MCMBP: variants seen among roughly 807,000 people sequenced by gnomAD.
The protein encoded by MCMBP is minichromosome maintenance complex binding protein.
MCMBP carries 31 observed loss-of-function variants against 81.3 expected under a neutral mutation model. The ratio of observed to expected loss-of-function variants is 0.38; its 90% CI spans 0.29 to 0.51. The LOEUF is 0.51. Ranked by LOEUF, MCMBP falls within the 20% of genes least tolerant of loss-of-function variation. MCMBP has a pLI of 0.87. For missense variants in MCMBP, 645 were observed against 772.1 expected, an observed-to-expected ratio of 0.84 and a Z score of 1.95; for synonymous variants, 267 against 275.9, an observed-to-expected ratio of 0.97 and a Z score of 0.32.
At chr10:119,862,680 C>A (rs1853303564) in intron 1 of MCMBP, among the ~76,000 whole-genome samples, 2 of 152,214 alleles carry the variant, frequency 1.3e-5, no homozygotes, top group South Asian at 4.1e-4. Context: ...TGAACATGAG[C>A]TTTCATTTCT....
At chr10:119,855,865 A>G (rs888683840) in intron 5 of MCMBP, among the ~76,000 whole-genome samples, 1 of 152,224 alleles carries the variant, frequency 6.6e-6, no homozygotes, top group Non-Finnish European at 1.5e-5. Flanking sequence ...ATGTCAATAA[A>G]TTCAACAACT....
intron 1 of MCMBP, among the ~76,000 whole-genome samples, chr10:119,864,044 C>T (rs774229846): frequency 2.0e-5 from 3 of 151,440 alleles, no homozygotes; most frequent in Non-Finnish European, 1.5e-5. Flanking sequence ...AATGTAATCA[C>T]AACGGTCCTT....
At chr10:119,871,042 A>G (rs1000898343) in intron 1 of MCMBP, among the ~76,000 whole-genome samples, 2 of 152,246 alleles carry the variant, frequency 1.3e-5, no homozygotes, top group African/African-American at 4.8e-5. Context: ...AAATCATCTC[A>G]TTTATCCAGC....
Position 119,835,536 on chromosome 10 carries a change from A to G in MCMBP, c.1707+4T>C, listed in dbSNP as rs1469664798. On this transcript the variant is annotated splice_donor_region_variant and intron_variant, in intron 14 of 15. Transcript: ENST00000369077. The stretch of plus-strand genomic sequence containing the variant: ...GGAAATCCTTTATTTTAACCTAGAC[A>G]TACCTTGGTTATTTCATCAGATATG... The G allele has an allele frequency of 6.2e-7, 1 of 1,612,120 alleles. No individual in the cohort carries two copies. Among genetic ancestry groups the G allele is most frequent in the Non-Finnish European group, 8.5e-7 (1 of 1,178,484 alleles).
chr10:119,834,052 AAAG>A (rs921317185), intron 14 of MCMBP, among the ~76,000 whole-genome samples: 6 of 152,222 alleles, frequency 3.9e-5, no homozygotes, highest in Non-Finnish European at 8.8e-5. Flanking sequence ...CAGAACAAAA[AAAG>A]AAGAATGAGG....
Position 119,849,430 on chromosome 10 carries a change from C to G in MCMBP, c.721G>C (p.Val241Leu). The change falls in exon 7 of 16, where the codon GTG (valine) becomes CTG (leucine). Residue 241 changes from valine (V) to leucine (L), a missense_variant. Coordinates refer to ENST00000369077, the MANE Select transcript of MCMBP (RefSeq NM_001256378.2). ...LPGEKGPACL[V>L]KVYEDWDCFK... is the part of the protein sequence containing the mutation. ...TCTACGAAAGGTTTTATTACCTTCACAAGGCATGCAGGGCCCTTCTCTCCT... is the reference window on the plus strand; with the variant it reads ...TCTACGAAAGGTTTTATTACCTTCAGAAGGCATGCAGGGCCCTTCTCTCCT... The G allele has an allele frequency of 2.5e-6, 4 of 1,607,622 alleles. No homozygotes were observed. The highest frequency in any genetic ancestry group is 3.4e-6 in the Non-Finnish European group (4 of 1,178,188).
intron 1 of MCMBP, 61 bp downstream of exon 1, chr10:119,872,466 T>A: frequency 9.6e-7 from 1 of 1,045,378 alleles, no homozygotes; most frequent in Non-Finnish European, 1.2e-6. Flanking sequence ...GGCGGGGCCC[T>A]GCCCCGGGGC....
chr10:119,831,479 G>A lies in MCMBP; in HGVS notation c.1918C>T (p.Leu640Phe), dbSNP rs771643333. Residue 640 changes from leucine to phenylalanine, a missense_variant, in exon 16 of 16, where the codon CTT becomes TTT. By Grantham distance (22) the Leu-to-Phe change is conservative. Coordinates refer to ENST00000369077, the MANE Select transcript of MCMBP (RefSeq NM_001256378.2). ...TCTTCATAGGTATTACATCTTTAAA[G>A]TTCATTTCCATTCACACATTTTTGC... is the stretch of plus-strand genomic sequence containing the variant. ...QQQKCVNGNE[L>F] The A allele has an allele frequency of 1.5e-5, 24 of 1,613,714 alleles. No individual in the cohort carries two copies. The highest frequency in any genetic ancestry group is 1.9e-5 in the Non-Finnish European group (23 of 1,179,852).
At position 119,859,809 on chromosome 10, in the gene MCMBP, G is replaced by T; in HGVS notation, c.134C>A (p.Ala45Asp). ...TAGCAATAAGCTTACCCACTTAGGA[G>T]CATTATTTTCCTTCAGCTTTTCCTT... ...YFKEKLKENN[A>D]PKWVPSLNEV... Residue 45 changes from alanine to aspartate, a missense_variant, in exon 2 of 16, where the codon GCT (alanine) becomes GAT (aspartate). Ala to Asp is a moderately radical substitution (Grantham distance 126). Coordinates refer to ENST00000369077, the MANE Select transcript of MCMBP (RefSeq NM_001256378.2). 6.2e-7 allele frequency: 1 copy of T among 1,611,554 alleles called. No homozygotes were observed. The highest frequency in any genetic ancestry group is 8.5e-7 in the Non-Finnish European group (1 of 1,178,076).
chr10:119,831,958 G>A (rs1852059901), intron 15 of MCMBP, 54 bp downstream of exon 15: 2 of 1,491,494 alleles, frequency 1.3e-6, no homozygotes. Flanking sequence ...GAATAACTCA[G>A]AAGACATATA....
intron 7 of MCMBP, among the ~76,000 whole-genome samples, chr10:119,849,078 G>T (rs755652205): frequency 1.2e-4 from 19 of 152,102 alleles, no homozygotes; most frequent in Admixed American, 1.2e-3. Context: ...AACTTTCTTG[G>T]TTGTGGTCAG....
chr10:119,849,082 T>C (rs1260587023), intron 7 of MCMBP, among the ~76,000 whole-genome samples: 1 of 152,168 alleles, frequency 6.6e-6, no homozygotes, highest in African/African-American at 2.4e-5. Flanking sequence ...TTCTTGGTTG[T>C]GGTCAGATGA....
At position 119,859,613 on chromosome 10, in the gene MCMBP, T is replaced by C. The variant is rs967196366; in HGVS notation, c.144+186A>G. 3.3e-5 allele frequency among the ~76,000 whole-genome samples: 5 copies of C among 152,370 alleles called. 1 individual carries two copies. The highest frequency in any genetic ancestry group is 6.8e-3 in the Middle Eastern group (2 of 294). On this transcript the variant is annotated intron_variant, in intron 2 of 15. Coordinates refer to ENST00000369077, the MANE Select transcript of MCMBP (RefSeq NM_001256378.2). ...CAGTTACTGCCACCTAGAGGCATAA[T>C]GTATAAGTATTTACATGCTTAAACT... is the stretch of plus-strand genomic sequence containing the variant.
At chr10:119,857,685 C>G (rs985987927) in intron 4 of MCMBP, 37 of 314,320 alleles carry the variant, frequency 1.2e-4, no homozygotes, top group Non-Finnish European at 2.1e-4. Context: ...GACTTATAAT[C>G]TGGGTCTAGT....
Position 119,835,813 on chromosome 10 carries a change from CTTA to C in MCMBP, c.1543-112_1543-110del, listed in dbSNP as rs1226628617. The stretch of plus-strand genomic sequence containing the variant: ...CCCCTATGGGAATTAGAAAATACCA[CTTA>C]TTATTTAGGGGGAGGGAATAATGTT... On this transcript the variant is annotated intron_variant, in intron 13 of 15. Coordinates refer to ENST00000369077, the MANE Select transcript of MCMBP (RefSeq NM_001256378.2). 8.7e-6 allele frequency: 10 copies of C among 1,151,878 alleles called. No homozygotes were observed. The African/African-American group carries it at 1.4e-4, about 16-fold the overall frequency. 71.4% of individuals were successfully genotyped at this position (1,151,878 alleles called of 1,614,324 possible).
chr10:119,830,343 G>C lies in MCMBP; in HGVS notation c.*1131C>G, dbSNP rs1331886327. ...TGCCATAACCATGCTACTACAGTCT[G>C]TTGTTAGTTTGCTCTATTAAAACTA... On this transcript the variant is annotated 3_prime_UTR_variant, in exon 16 of 16. Coordinates refer to ENST00000369077, the MANE Select transcript of MCMBP (RefSeq NM_001256378.2). 2.0e-5 allele frequency: 3 copies of C among 152,310 alleles called. No individual in the cohort carries two copies. The highest frequency in any genetic ancestry group is 7.2e-5 in the African/African-American group (3 of 41,446). 9.4% of individuals were successfully genotyped at this position (152,310 alleles called of 1,614,324 possible). A position where few individuals can be genotyped will look rare whatever the true frequency, so the allele number is the denominator to read the frequency against.
intron 5 of MCMBP, 143 bp downstream of exon 5, chr10:119,857,195 T>G (rs963964948): frequency 4.2e-5 from 22 of 527,868 alleles, no homozygotes; most frequent in Non-Finnish European, 6.3e-5. Flanking sequence ...TGACAAATAC[T>G]TAGCCCGTTT....
rs761230409 is a variant in MCMBP, at chr10:119,859,050, T to C, written c.276A>G (p.Thr92=). The change falls in exon 3 of 16, where the codon ACA becomes ACG. Residue 92 remains threonine, a synonymous_variant. Coordinates refer to ENST00000369077, the MANE Select transcript of MCMBP (RefSeq NM_001256378.2). ...MGVYETVNQN[T]KAHVLHFGKY... ...AAACAGCAATACTTACATGTGCTTT[T>C]GTGTTTTGGTTAACCGTTTCATAAA... 5.6e-6 allele frequency: 9 copies of C among 1,613,662 alleles called. No homozygotes were observed. The highest frequency in any genetic ancestry group is 2.2e-5 in the South Asian group (2 of 91,038).
intron 6 of MCMBP, among the ~76,000 whole-genome samples, chr10:119,852,340 A>C (rs1852861923): frequency 1.3e-5 from 2 of 152,108 alleles, no homozygotes; most frequent in African/African-American, 2.4e-5. Context: ...ATAAAGACAA[A>C]CTTATATACC....
Sources: allele counts gnomAD v4.1 joint callset (sites outside exome capture counted in the v4.1 genomes callset), GRCh38; gene constraint gnomAD v4.1.1; transcripts MANE v1.5; gene names NCBI Gene and HGNC (gene_info 2026-07-23, HGNC 2026-07-21).